Variants in ARHGEF4 observed in about 807,000 individuals in gnomAD.
The protein encoded by ARHGEF4 is APC-stimulated guanine nucleotide exchange factor 1.
In ARHGEF4, 119 loss-of-function variants were observed where a neutral mutation model predicts 162.0. The ratio of observed to expected loss-of-function variants is 0.73; its 90% CI spans 0.63 to 0.86. The LOEUF (loss-of-function observed/expected upper bound fraction) is 0.86, where lower values mean the gene tolerates loss of function less well. Among genes scored for constraint, ARHGEF4 ranks in the 40% least tolerant of loss-of-function variants. The pLI is 0.00. For synonymous variants in ARHGEF4, 1,014 were observed against 979.9 expected (o/e 1.03, Z -0.65); for missense variants, 2,488 against 2,456.0 (o/e 1.01, Z -0.28).
chr2:130,881,000 A>G (rs1437257382), intron 1 of ARHGEF4, among the ~76,000 whole-genome samples: 3 of 152,128 alleles, frequency 2.0e-5, no homozygotes, highest in African/African-American at 7.2e-5. Context: ...TGAGAGATGG[A>G]TTCTTGTGAA....
At chr2:130,840,238 C>T (rs1028697256) in intron 1 of ARHGEF4, among the ~76,000 whole-genome samples, 17 of 152,110 alleles carry the variant, frequency 1.1e-4, no homozygotes, top group African/African-American at 3.9e-4. Flanking sequence ...ACACATAGAC[C>T]GAGTTTTCAT....
At chr2:130,881,879 C>T (rs74978463) in intron 1 of ARHGEF4, among the ~76,000 whole-genome samples, 2,150 of 152,014 alleles carry the variant, frequency 0.014, 77 homozygotes, top group African/African-American at 0.049. Flanking sequence ...GCCAAAAGGG[C>T]GTGGTTGGAG....
chr2:130,851,196 A>T (rs1681386082), intron 1 of ARHGEF4, among the ~76,000 whole-genome samples: 1 of 152,256 alleles, frequency 6.6e-6, no homozygotes, highest in African/African-American at 2.4e-5. Context: ...GCCAGAGGCC[A>T]GCATGTGCCT....
At chr2:130,954,211 T>A (rs1684128347) in intron 4 of ARHGEF4, among the ~76,000 whole-genome samples, 1 of 152,204 alleles carries the variant, frequency 6.6e-6, no homozygotes, top group Non-Finnish European at 1.5e-5. Context: ...CACCGTGGAA[T>A]ACTATGGAGC....
chr2:131,041,983 G>C, intron 10 of ARHGEF4, 39 bp downstream of exon 10: 1 of 1,597,054 alleles, frequency 6.3e-7, no homozygotes, highest in Non-Finnish European at 8.5e-7. Flanking sequence ...AGGAGGTCTT[G>C]GCCCCTCGCT....
At position 131,046,454 on chromosome 2, in the gene ARHGEF4, C is replaced by T. The variant is rs1215042592; in HGVS notation, c.*265C>T. 4 of 496,364 alleles carry T rather than the reference C, an allele frequency of 8.1e-6. No homozygotes were observed. Among genetic ancestry groups the T allele is most frequent in the Non-Finnish European group, 1.5e-5 (4 of 275,692 alleles). The allele number at this position is 496,364 out of a possible 1,614,324, so 30.7% of individuals were successfully genotyped here. A position where few individuals can be genotyped will look rare whatever the true frequency, so the allele number is the denominator to read the frequency against. On this transcript the variant is annotated 3_prime_UTR_variant, in exon 14 of 14. Coordinates refer to ENST00000409359, the MANE Select transcript of ARHGEF4 (RefSeq NM_001367493.1). Reference sequence around the variant, plus strand: ...GCTTGGGCCCCATCCGCCCTCTGGACCTGTGTAGGGCCTCACTGCTGGAGC... The same window carrying T: ...GCTTGGGCCCCATCCGCCCTCTGGATCTGTGTAGGGCCTCACTGCTGGAGC...
At chr2:130,856,648 T>C (rs1171827541) in intron 1 of ARHGEF4, among the ~76,000 whole-genome samples, 1 of 152,198 alleles carries the variant, frequency 6.6e-6, no homozygotes, top group Non-Finnish European at 1.5e-5. Flanking sequence ...CGGAAAATAA[T>C]CCATGTATCA....
chr2:131,042,779 C>G (rs554076394), intron 10 of ARHGEF4, among the ~76,000 whole-genome samples: 7 of 152,338 alleles, frequency 4.6e-5, no homozygotes, highest in African/African-American at 1.7e-4. Flanking sequence ...GCCAACCACT[C>G]CCAGCTGGGG....
At chr2:130,938,556 G>C (rs2105126360) in intron 3 of ARHGEF4, among the ~76,000 whole-genome samples, 1 of 152,272 alleles carries the variant, frequency 6.6e-6, no homozygotes, top group Non-Finnish European at 1.5e-5. Context: ...TGAGAGGTAA[G>C]GCAAGGCATT....
At chr2:130,913,959 C>A in intron 1 of ARHGEF4, 27 bp from the exon 2 acceptor site, 1 of 1,535,812 alleles carries the variant, frequency 6.5e-7, no homozygotes, top group South Asian at 1.2e-5. Context: ...GGCCTTGTCT[C>A]TGACTCCTCT....
At chr2:130,851,658 A>G (rs1681424530) in intron 1 of ARHGEF4, among the ~76,000 whole-genome samples, 1 of 152,232 alleles carries the variant, frequency 6.6e-6, no homozygotes, top group Non-Finnish European at 1.5e-5. Flanking sequence ...CACATGAAGA[A>G]GAAGGGTAAT....
chr2:130,993,347 A>G (rs1442794733), intron 4 of ARHGEF4, among the ~76,000 whole-genome samples: 2 of 152,216 alleles, frequency 1.3e-5, no homozygotes, highest in African/African-American at 2.4e-5. Context: ...ATTAGGATAT[A>G]GAAAAATTTT....
chr2:130,879,017 G>A lies in ARHGEF4; in HGVS notation c.40-34969G>A, dbSNP rs77771636. On this transcript the variant is annotated intron_variant, in intron 1 of 13. Coordinates refer to ENST00000409359, the MANE Select transcript of ARHGEF4 (RefSeq NM_001367493.1). ...GAAAGGATGTCCAGGTAGAGGCTAC[G>A]GCTCAGGCAGAGGCTCAGAGGCATG... Among the ~76,000 whole-genome samples, 527 of 152,300 alleles carry A rather than the reference G, an allele frequency of 3.5e-3. 4 individuals carry two copies. The highest frequency in any genetic ancestry group is 1.5e-3 in the East Asian group (8 of 5,180).
At position 130,931,039 on chromosome 2, in the gene ARHGEF4, C is replaced by A; in HGVS notation, c.3640C>A (p.Pro1214Thr). 2 of 1,614,170 alleles carry A rather than the reference C, an allele frequency of 1.2e-6. No individual in the cohort carries two copies. Residue 1214 changes from proline to threonine, a missense_variant, in exon 3 of 14, where the codon CCC (proline) becomes ACC (threonine). Pro to Thr is a conservative substitution (Grantham distance 38, BLOSUM62 -1). Transcript: ENST00000409359. Reference protein sequence around the residue: ...KAFHMEPAQKPCFTTDMVTWA... With the variant: ...KAFHMEPAQKTCFTTDMVTWA... ...GTTCCACATGGAGCCTGCCCAGAAG[C>A]CCTGCTTCACCACTGACATGGTGAC... is the stretch of plus-strand genomic sequence containing the variant.
At chr2:130,903,920 C>G (rs1359233208) in intron 1 of ARHGEF4, among the ~76,000 whole-genome samples, 1 of 152,162 alleles carries the variant, frequency 6.6e-6, no homozygotes, top group Non-Finnish European at 1.5e-5. Context: ...TTTATCCAGC[C>G]CACCACTGAT....
rs141261771 is a variant in ARHGEF4 at position 130,934,955 on chromosome 2, T to C, written c.3858+3698T>C. Among the ~76,000 whole-genome samples the C allele has an allele frequency of 2.1e-3, 317 of 152,342 alleles. 3 individuals are homozygous for C. The highest frequency in any genetic ancestry group is 7.3e-3 in the African/African-American group (302 of 41,588). ...TACAATTGTCCATAGTGTTTTCTTA[T>C]AATCCTTTTAAATTTCTGTAACATC... On this transcript the variant is annotated intron_variant, in intron 3 of 13. Coordinates refer to ENST00000409359, the MANE Select transcript of ARHGEF4 (RefSeq NM_001367493.1).
intron 2 of ARHGEF4, among the ~76,000 whole-genome samples, chr2:130,929,379 C>T (rs925844255): frequency 1.3e-5 from 2 of 152,102 alleles, no homozygotes; most frequent in Non-Finnish European, 2.9e-5. Flanking sequence ...ATCTCTCTCT[C>T]TTTCACTGTA....
chr2:130,979,343 C>G (rs1685957489), intron 4 of ARHGEF4, among the ~76,000 whole-genome samples: 2 of 152,146 alleles, frequency 1.3e-5, no homozygotes, highest in South Asian at 4.1e-4. Context: ...CTGCATAGTT[C>G]TAATATAACA....
chr2:130,974,244 A>G (rs552749151), intron 4 of ARHGEF4, among the ~76,000 whole-genome samples: 1 of 151,596 alleles, frequency 6.6e-6, no homozygotes, highest in East Asian at 2.0e-4. Context: ...TGCACTCCAG[A>G]TGGGGCAACA....
Sources: gnomAD v4.1 joint callset for allele counts (sites outside exome capture counted in the v4.1 genomes callset) on GRCh38, gnomAD v4.1.1 for gene constraint, MANE v1.5 for transcripts, NCBI Gene and HGNC (gene_info 2026-07-23, HGNC 2026-07-21) for gene names.